SETBP1: variants seen among roughly 807,000 people sequenced by gnomAD.
SETBP1 encodes the protein SET-binding protein.
In SETBP1, 9 loss-of-function variants were observed where a neutral mutation model predicts 101.0. The ratio of observed to expected loss-of-function variants is 0.09; its 90% CI spans 0.05 to 0.16. The LOEUF (loss-of-function observed/expected upper bound fraction) is 0.16, where lower values mean the gene tolerates loss of function less well. SETBP1 is among the 10% of genes least tolerant of loss of function. SETBP1 has a pLI of 1.00. For synonymous variants in SETBP1, 818 were observed against 788.5 expected, an observed-to-expected ratio of 1.04 and a Z score of -0.63; for missense variants, 1,858 against 2,033.8, an observed-to-expected ratio of 0.91 and a Z score of 1.66.
chr18:44,791,007 C>T (rs888540771), intron 2 of SETBP1, among the ~76,000 whole-genome samples: 2 of 152,164 alleles, frequency 1.3e-5, no homozygotes, highest in African/African-American at 4.8e-5. Flanking sequence ...ATTGTAGACC[C>T]TGGGAATACA....
intron 2 of SETBP1, 77 bp downstream of exon 2, chr18:44,701,909 A>T (rs2069123003): frequency 6.7e-7 from 1 of 1,487,938 alleles, no homozygotes; most frequent in African/African-American, 1.4e-5. Context: ...CTTAGGGTCT[A>T]TTTATATATT....
intron 2 of SETBP1, among the ~76,000 whole-genome samples, chr18:44,859,054 AGAAGGAAG>A (rs906531652): frequency 6.6e-6 from 1 of 151,072 alleles, no homozygotes; most frequent in South Asian, 2.1e-4. Flanking sequence ...AAAGAAGGAA[AGAAGGAAG>A]GAAGGAAGGA....
chr18:45,028,449 T>C (rs1203695671), intron 4 of SETBP1, among the ~76,000 whole-genome samples: 1 of 152,142 alleles, frequency 6.6e-6, no homozygotes, highest in African/African-American at 2.4e-5. Context: ...TTTGCTGTTG[T>C]GAATAGTGCC....
intron 3 of SETBP1, among the ~76,000 whole-genome samples, chr18:44,933,711 C>T (rs2070890432): frequency 6.6e-6 from 1 of 152,196 alleles, no homozygotes; most frequent in Non-Finnish European, 1.5e-5. Flanking sequence ...GTTGTGCTAG[C>T]AGTGAGTGAG....
chr18:44,962,185 G>A (rs1428293143), intron 4 of SETBP1, among the ~76,000 whole-genome samples: 3 of 152,188 alleles, frequency 2.0e-5, no homozygotes, highest in Non-Finnish European at 4.4e-5. Context: ...GGGAGCTGCG[G>A]GGACCCAGGA....
chr18:45,014,083 T>C (rs747544232), intron 4 of SETBP1, among the ~76,000 whole-genome samples: 5 of 152,146 alleles, frequency 3.3e-5, no homozygotes, highest in African/African-American at 7.2e-5. Context: ...TCATTGAGCA[T>C]TGGGACTCAA....
intron 3 of SETBP1, among the ~76,000 whole-genome samples, chr18:44,941,057 C>T (rs200398555): frequency 7.4e-6 from 1 of 135,514 alleles, no homozygotes; most frequent in African/African-American, 2.7e-5. Context: ...TGTTTATATT[C>T]TAATTAATGA....
intron 4 of SETBP1, among the ~76,000 whole-genome samples, chr18:45,004,148 T>C (rs1222917372): frequency 6.6e-6 from 1 of 152,334 alleles, no homozygotes; most frequent in African/African-American, 2.4e-5. Flanking sequence ...TCTCACCTGA[T>C]GAACACCAAG....
At chr18:44,780,158 C>A (rs541326653) in intron 2 of SETBP1, among the ~76,000 whole-genome samples, 1 of 152,296 alleles carries the variant, frequency 6.6e-6, no homozygotes, top group South Asian at 2.1e-4. Context: ...TCCTCCAACT[C>A]TTGCAAGGAG....
chr18:44,776,760 G>T (rs146646154), intron 2 of SETBP1, among the ~76,000 whole-genome samples: 35 of 152,256 alleles, frequency 2.3e-4, no homozygotes, highest in Admixed American at 2.2e-3. Context: ...TTAGGGCTTA[G>T]GTGTTCCTAT....
intron 4 of SETBP1, among the ~76,000 whole-genome samples, chr18:45,017,165 A>G (rs2072964055): frequency 6.6e-6 from 1 of 152,160 alleles, no homozygotes; most frequent in Non-Finnish European, 1.5e-5. Flanking sequence ...CCACACAGCC[A>G]GTGCTCCAGG....
chr18:44,717,541 A>G (rs780732275), intron 2 of SETBP1, among the ~76,000 whole-genome samples: 4 of 152,192 alleles, frequency 2.6e-5, no homozygotes, highest in Non-Finnish European at 5.9e-5. Flanking sequence ...CTCACTGCAC[A>G]TACTCCCATG....
intron 4 of SETBP1, among the ~76,000 whole-genome samples, chr18:45,019,293 A>G (rs2073010489): frequency 6.6e-6 from 1 of 152,240 alleles, no homozygotes; most frequent in African/African-American, 2.4e-5. Flanking sequence ...TGGGAAATGT[A>G]ATAATTTCCA....
chr18:44,954,106 G>T (rs779944061), intron 4 of SETBP1, among the ~76,000 whole-genome samples: 1 of 152,034 alleles, frequency 6.6e-6, no homozygotes. Flanking sequence ...TGAAATGCTG[G>T]TTGCTACTAG....
intron 1 of SETBP1, among the ~76,000 whole-genome samples, chr18:44,685,499 A>G (rs2068821961): frequency 6.6e-6 from 1 of 152,184 alleles, no homozygotes; most frequent in Non-Finnish European, 1.5e-5. Context: ...CAAAGTGTGA[A>G]GAGCCTCACA....
At chr18:44,837,504 T>A (rs2072523394) in intron 2 of SETBP1, among the ~76,000 whole-genome samples, 1 of 152,222 alleles carries the variant, frequency 6.6e-6, no homozygotes, top group South Asian at 2.1e-4. Flanking sequence ...AATGTTCTAG[T>A]CCCGCAGAAA....
chr18:44,752,288 A>T (rs891011368), intron 2 of SETBP1, among the ~76,000 whole-genome samples: 10 of 152,192 alleles, frequency 6.6e-5, no homozygotes, highest in African/African-American at 1.7e-4. Context: ...CATTACATTG[A>T]TTGGTGGTCA....
At chr18:45,006,251 C>T (rs1242628495) in intron 4 of SETBP1, among the ~76,000 whole-genome samples, 5 of 152,114 alleles carry the variant, frequency 3.3e-5, no homozygotes, top group Non-Finnish European at 7.3e-5. Context: ...CATGCCCAGC[C>T]AAAAATCTTT....
chr18:44,840,334 T>A (rs1424833928), intron 2 of SETBP1, among the ~76,000 whole-genome samples: 2 of 152,190 alleles, frequency 1.3e-5, no homozygotes, highest in African/African-American at 4.8e-5. Context: ...CCTTGCTAGA[T>A]CCCAGCAGTG....
Sources: gnomAD v4.1 joint callset for allele counts (sites outside exome capture counted in the v4.1 genomes callset) on GRCh38, gnomAD v4.1.1 for gene constraint, MANE v1.5 for transcripts, NCBI Gene and HGNC (gene_info 2026-07-23, HGNC 2026-07-21) for gene names.